The following MEIS2 variants were observed in gnomAD, a reference collection of about 807,000 sequenced individuals.
MEIS2 encodes Meis homeobox 2.
MEIS2 carries 9 observed loss-of-function variants against 58.6 expected under a neutral mutation model. The ratio of observed to expected loss-of-function variants is 0.15; its 90% CI spans 0.09 to 0.27. The LOEUF is 0.27. Among genes scored for constraint, MEIS2 ranks in the 10% least tolerant of loss-of-function variants. MEIS2 has a pLI of 1.00. For missense variants in MEIS2, 427 were observed against 635.0 expected, an observed-to-expected ratio of 0.67 and a Z score of 3.52; for synonymous variants, 221 against 228.4, an observed-to-expected ratio of 0.97 and a Z score of 0.29.
At chr15:36,994,426 C>A (rs898287251) in intron 8 of MEIS2, among the ~76,000 whole-genome samples, 1 of 152,154 alleles carries the variant, frequency 6.6e-6, no homozygotes, top group African/African-American at 2.4e-5. Context: ...TTTGTGAAAT[C>A]ATTTATAAGA....
chr15:37,073,160 G>A (rs1045791449), intron 7 of MEIS2, among the ~76,000 whole-genome samples: 6 of 152,070 alleles, frequency 3.9e-5, no homozygotes, highest in Non-Finnish European at 7.4e-5. Context: ...CTTTTTAAAA[G>A]CAAGTGCTAA....
chr15:37,057,237 G>A (rs1888552788), intron 7 of MEIS2, among the ~76,000 whole-genome samples: 1 of 152,224 alleles, frequency 6.6e-6, no homozygotes, highest in Non-Finnish European at 1.5e-5. Context: ...CCCTGATAAA[G>A]TTCAAACTGA....
intron 7 of MEIS2, among the ~76,000 whole-genome samples, chr15:37,041,824 A>T (rs948543413): frequency 1.6e-4 from 24 of 152,276 alleles, no homozygotes; most frequent in Middle Eastern, 3.4e-3. Flanking sequence ...AAAAAGATTT[A>T]AAAAAAGCTT....
chr15:37,061,521 G>C (rs994460078), intron 7 of MEIS2, among the ~76,000 whole-genome samples: 1 of 152,188 alleles, frequency 6.6e-6, no homozygotes, highest in East Asian at 1.9e-4. Context: ...AGGGTTTGTA[G>C]TTGCAGAGGT....
intron 8 of MEIS2, among the ~76,000 whole-genome samples, chr15:36,991,185 C>T (rs182468360): frequency 6.6e-6 from 1 of 152,202 alleles, no homozygotes; most frequent in Non-Finnish European, 1.5e-5. Flanking sequence ...CTAGAATTCC[C>T]TCACATCAAG....
At position 36,985,858 on chromosome 15, in the gene MEIS2, GGTGACA is replaced by G. The variant is rs1287217279; in HGVS notation, c.901-35464_901-35459del. ...TGGTTCACTAGGTCAGCAGGCAGAT[GGTGACA>G]GAGTTGTGAAGCATATTCTTACCTC... On this transcript the variant is annotated intron_variant, in intron 8 of 11. Coordinates refer to ENST00000561208, the MANE Select transcript of MEIS2 (RefSeq NM_170675.5). 5.3e-5 allele frequency among the ~76,000 whole-genome samples: 8 copies of G among 152,256 alleles called. No homozygotes were observed. In the South Asian group the frequency reaches 8.3e-4, roughly 16 times the overall value.
At chr15:37,037,481 A>G (rs1261172265) in intron 7 of MEIS2, among the ~76,000 whole-genome samples, 1 of 151,840 alleles carries the variant, frequency 6.6e-6, no homozygotes, top group Non-Finnish European at 1.5e-5. Flanking sequence ...ATGACCCTGC[A>G]CTCGGCATTT....
chr15:37,089,451 A>G (rs1437484723), intron 6 of MEIS2, among the ~76,000 whole-genome samples: 1 of 152,158 alleles, frequency 6.6e-6, no homozygotes, highest in Non-Finnish European at 1.5e-5. Flanking sequence ...TTGAAAAAAC[A>G]AACAAACAAA....
chr15:36,909,609 C>A (rs2056905440), intron 9 of MEIS2, among the ~76,000 whole-genome samples: 2 of 152,082 alleles, frequency 1.3e-5, no homozygotes, highest in African/African-American at 4.8e-5. Flanking sequence ...TTTGTACTCA[C>A]AAACAACTCA....
intron 9 of MEIS2, among the ~76,000 whole-genome samples, chr15:36,917,692 G>A (rs1179811485): frequency 6.6e-6 from 1 of 152,164 alleles, no homozygotes; most frequent in Non-Finnish European, 1.5e-5. Context: ...TGGGTAAAAT[G>A]TCACCTAAGG....
At chr15:36,936,257 C>T (rs543088480) in intron 9 of MEIS2, among the ~76,000 whole-genome samples, 4 of 128,266 alleles carry the variant, frequency 3.1e-5, no homozygotes, top group African/African-American at 1.3e-4. Context: ...TGCAGTGGTG[C>T]GATCTCGGCT....
chr15:37,015,917 A>C (rs1014822517), intron 8 of MEIS2, among the ~76,000 whole-genome samples: 9 of 152,090 alleles, frequency 5.9e-5, no homozygotes, highest in African/African-American at 2.2e-4. Flanking sequence ...TCTATAACGA[A>C]AGAAAACCAT....
At chr15:36,910,879 T>C (rs2056981097) in intron 9 of MEIS2, among the ~76,000 whole-genome samples, 1 of 152,078 alleles carries the variant, frequency 6.6e-6, no homozygotes, top group African/African-American at 2.4e-5. Context: ...ACCCTGTCTC[T>C]ACTAAAAATA....
chr15:37,074,666 G>C (rs183718438), intron 7 of MEIS2, among the ~76,000 whole-genome samples: 54 of 152,068 alleles, frequency 3.6e-4, no homozygotes, highest in Non-Finnish European at 6.8e-4. Flanking sequence ...ACTGGTTCCA[G>C]GCAATGTTAT....
chr15:36,992,900 C>T (rs368835668), intron 8 of MEIS2, among the ~76,000 whole-genome samples: 111 of 152,224 alleles, frequency 7.3e-4, no homozygotes, highest in African/African-American at 2.6e-3. Flanking sequence ...AATCATATTA[C>T]CTAACTTTGG....
chr15:37,064,162 A>G (rs959701223), intron 7 of MEIS2, among the ~76,000 whole-genome samples: 6 of 152,216 alleles, frequency 3.9e-5, no homozygotes, highest in African/African-American at 1.4e-4. Flanking sequence ...AAAACTTAAG[A>G]TATCAAAAGA....
At chr15:37,064,084 A>G (rs760489791) in intron 7 of MEIS2, among the ~76,000 whole-genome samples, 7 of 152,190 alleles carry the variant, frequency 4.6e-5, no homozygotes, top group Non-Finnish European at 1.0e-4. Flanking sequence ...AAAAGCAAAA[A>G]CTAAATAGAA....
At chr15:36,992,029 C>A (rs1019775869) in intron 8 of MEIS2, among the ~76,000 whole-genome samples, 2 of 145,318 alleles carry the variant, frequency 1.4e-5, no homozygotes, top group Non-Finnish European at 3.0e-5. Context: ...CCTCGTGATC[C>A]GCCCGCCTCG....
chr15:37,043,569 T>G (rs2062524913), intron 7 of MEIS2, among the ~76,000 whole-genome samples: 1 of 152,160 alleles, frequency 6.6e-6, no homozygotes, highest in African/African-American at 2.4e-5. Flanking sequence ...GTAGATGAAC[T>G]TAATGTTTTT....
Sources: allele counts gnomAD v4.1 joint callset (sites outside exome capture counted in the v4.1 genomes callset), GRCh38; gene constraint gnomAD v4.1.1; transcripts MANE v1.5; gene names NCBI Gene and HGNC (gene_info 2026-07-23, HGNC 2026-07-21).